The following PPIA variants were observed in gnomAD, a reference collection of about 807,000 sequenced individuals.
The protein encoded by PPIA is peptidylprolyl isomerase A, also known as peptidyl-prolyl cis-trans isomerase A.
Under a neutral mutation model 15.3 loss-of-function variants are expected in PPIA, and 2 were observed. The ratio of observed to expected loss-of-function variants is 0.13; its 90% CI spans 0.05 to 0.41. The LOEUF is 0.41. PPIA is among the 10% of genes least tolerant of loss of function. The pLI, the probability that PPIA is intolerant of heterozygous loss-of-function variation, is 0.99. For synonymous variants in PPIA, 67 were observed against 73.1 expected (o/e 0.92, Z 0.43); for missense variants, 103 against 210.3 (o/e 0.49, Z 3.16).
At chr7:44,798,602 CT>C (rs1311967286) in intron 1 of PPIA, 1 of 399,054 alleles carries the variant, frequency 2.5e-6, no homozygotes, top group East Asian at 1.6e-4. Context: ...TAAAATGCTA[CT>C]TTTAAACAAG....
chr7:44,796,910 G>A, intron 1 of PPIA, 117 bp downstream of exon 1: 1 of 1,127,042 alleles, frequency 8.9e-7, no homozygotes, highest in Non-Finnish European at 1.2e-6. Flanking sequence ...GCGAGCGCGG[G>A]CGGGCTGCGG....
At chr7:44,799,063 C>T (rs1792465750) in intron 1 of PPIA, 184 bp from the exon 2 acceptor site, 3 of 1,096,960 alleles carry the variant, frequency 2.7e-6, no homozygotes, top group Non-Finnish European at 3.7e-6. Flanking sequence ...CTTTGGGTTT[C>T]ATGTTTCTTA....
At chr7:44,797,668 G>C (rs952779664) in intron 1 of PPIA, among the ~76,000 whole-genome samples, 1 of 152,212 alleles carries the variant, frequency 6.6e-6, no homozygotes, top group African/African-American at 2.4e-5. Flanking sequence ...CGTTAAATGA[G>C]TTCTTAAAGA....
chr7:44,798,767 A>T, intron 1 of PPIA: 1 of 988,692 alleles, frequency 1.0e-6, no homozygotes. Context: ...CTGGATACCA[A>T]GAAGTGACTG....
chr7:44,801,138 G>C (rs1792546064), intron 4 of PPIA, 149 bp from the exon 5 acceptor site: 2 of 992,360 alleles, frequency 2.0e-6, no homozygotes, highest in African/African-American at 1.6e-5. Context: ...CTCTTTAATG[G>C]TAATTGGAGA....
rs754628954 is a variant in PPIA, at chr7:44,796,701, G to C, written c.-24G>C. On this transcript the variant is annotated 5_prime_UTR_variant, in exon 1 of 5. Transcript: ENST00000468812. ...GTGCCGTTTTGCAGACGCCACCGCCGAGGAAAACCGTGTACTATTAGCCAT... is the reference window on the plus strand; with the variant it reads ...GTGCCGTTTTGCAGACGCCACCGCCCAGGAAAACCGTGTACTATTAGCCAT... 1.6e-5 allele frequency: 26 copies of C among 1,608,494 alleles called. No homozygotes were observed. Among genetic ancestry groups the C allele is most frequent in the East Asian group, 1.1e-4 (5 of 44,582 alleles).
chr7:44,799,505 T>C (rs1000292328), intron 3 of PPIA, 25 bp downstream of exon 3: 1 of 1,605,954 alleles, frequency 6.2e-7, no homozygotes, highest in African/African-American at 1.3e-5. Context: ...GAATTTTATT[T>C]TATTTGGGTT....
chr7:44,801,824 C>T lies in PPIA; in HGVS notation c.*402C>T, dbSNP rs1792571534. On this transcript the variant is annotated 3_prime_UTR_variant, in exon 5 of 5. Coordinates refer to ENST00000468812, the MANE Select transcript of PPIA (RefSeq NM_021130.5). ...GCAACTGGGCATGGTGGCTCACTGT[C>T]TGTAATGTATTACCTGAGGCAGAAG... The T allele has an allele frequency of 5.1e-6, 1 of 197,216 alleles. No homozygotes were observed. Among genetic ancestry groups the T allele is most frequent in the Non-Finnish European group, 1.0e-5 (1 of 96,454 alleles). 12.2% of individuals were successfully genotyped at this position (197,216 alleles called of 1,614,324 possible).
At chr7:44,797,275 T>C (rs1333943899) in intron 1 of PPIA, among the ~76,000 whole-genome samples, 1 of 152,174 alleles carries the variant, frequency 6.6e-6, no homozygotes, top group African/African-American at 2.4e-5. Flanking sequence ...CTTGAGGGTT[T>C]TTCTCAAGGA....
At chr7:44,799,025 T>C (rs1312833247) in intron 1 of PPIA, 1 of 1,145,904 alleles carries the variant, frequency 8.7e-7, no homozygotes, top group Non-Finnish European at 1.1e-6. Flanking sequence ...CTATTTAAGT[T>C]ATGACTAGTA....
At chr7:44,799,104 CAGG>C in intron 1 of PPIA, 140 bp from the exon 2 acceptor site, 1 of 1,143,990 alleles carries the variant, frequency 8.7e-7, no homozygotes, top group East Asian at 2.5e-5. Context: ...TTATGGCTGT[CAGG>C]AGCAGTTCTT....
chr7:44,800,398 C>CTTTTTTTTTTTT (rs57466816), intron 4 of PPIA: 1 of 142,290 alleles, frequency 7.0e-6, no homozygotes, highest in Non-Finnish European at 1.5e-5. Context: ...CAATTAAGTG[C>CTTTTTTTTTTTT]TTTTTTTTTT....
chr7:44,799,349 A>T (rs761565778), intron 2 of PPIA, 43 bp from the exon 3 acceptor site: 17 of 1,598,900 alleles, frequency 1.1e-5, no homozygotes, highest in South Asian at 8.9e-5. Flanking sequence ...GTATATATAT[A>T]TTTTTATGTA....
intron 1 of PPIA, among the ~76,000 whole-genome samples, chr7:44,797,213 C>T (rs905640224): frequency 3.9e-5 from 6 of 152,178 alleles, no homozygotes; most frequent in African/African-American, 1.2e-4. Context: ...TCCTGGGAAG[C>T]TGTCCCCTGG....
chr7:44,799,249 G>C lies in PPIA; in HGVS notation c.72G>C (p.Leu24=), dbSNP rs61747112. The change falls in exon 2 of 5, where the codon CTG becomes CTC. Residue 24 remains leucine, a splice_region_variant and synonymous_variant. Transcript: ENST00000468812. ...TTAACTGTAATTTTCTCTTACAGCT[G>C]TTTGCAGACAAGGTCCCAAAGACAG... is the stretch of plus-strand genomic sequence containing the variant. ...GEPLGRVSFE[L]FADKVPKTAE... The C allele has an allele frequency of 1.9e-6, 3 of 1,613,462 alleles. No homozygotes were observed. In the African/African-American group the frequency reaches 4.0e-5, roughly 22 times the overall value.
rs987840716 is a variant in PPIA at position 44,801,523 on chromosome 7, C to A, written c.*101C>A. The A allele has an allele frequency of 2.8e-6, 2 of 725,446 alleles. No individual in the cohort carries two copies. Among genetic ancestry groups the A allele is most frequent in the Non-Finnish European group, 4.4e-6 (2 of 451,480 alleles). 44.9% of individuals were successfully genotyped at this position (725,446 alleles called of 1,614,324 possible). A position where few individuals can be genotyped will look rare whatever the true frequency, so the allele number is the denominator to read the frequency against. ...CTCGCAGTATCCTAGAATCTTTGTG[C>A]TCTCGCTGCAGTTCCCTTTGGGTTC... On this transcript the variant is annotated 3_prime_UTR_variant, in exon 5 of 5. Transcript: ENST00000468812.
intron 4 of PPIA, among the ~76,000 whole-genome samples, 191 bp from the exon 5 acceptor site, chr7:44,801,096 C>T (rs974084618): frequency 2.6e-5 from 4 of 151,720 alleles, no homozygotes; most frequent in Admixed American, 1.3e-4. Flanking sequence ...GGATTACAGG[C>T]GTGAGCCACC....
rs778939899 is a variant in PPIA at position 44,796,729 on chromosome 7, T to C, written c.5T>C (p.Val2Ala). 1.9e-6 allele frequency: 3 copies of C among 1,610,844 alleles called. No homozygotes were observed. The highest frequency in any genetic ancestry group is 2.2e-5 in the East Asian group (1 of 44,452). The change falls in exon 1 of 5, where the codon GTC (valine) becomes GCC (alanine). Residue 2 changes from valine (V) to alanine (A), a missense_variant. Val to Ala is a moderately conservative substitution (Grantham distance 64, BLOSUM62 0). Transcript: ENST00000468812. Reference sequence around the variant, plus strand: ...GAAAACCGTGTACTATTAGCCATGGTCAACCCCACCGTGTTCTTCGACATT... The same window carrying C: ...GAAAACCGTGTACTATTAGCCATGGCCAACCCCACCGTGTTCTTCGACATT... M[V>A]NPTVFFDIAV...
chr7:44,801,035 T>C (rs1442103486), intron 4 of PPIA, among the ~76,000 whole-genome samples: 1 of 151,866 alleles, frequency 6.6e-6, no homozygotes, highest in Non-Finnish European at 1.5e-5. Flanking sequence ...GCCAGGATGG[T>C]CTCGATCTCC....
Sources: gnomAD v4.1 joint callset for allele counts (sites outside exome capture counted in the v4.1 genomes callset) on GRCh38, gnomAD v4.1.1 for gene constraint, MANE v1.5 for transcripts, NCBI Gene and HGNC (gene_info 2026-07-23, HGNC 2026-07-21) for gene names.